The following SFT2D1 variants were observed in gnomAD, a reference collection of about 807,000 sequenced individuals.
SFT2D1 encodes the protein vesicle transport protein SFT2A.
In SFT2D1, 24 loss-of-function variants were observed where a neutral mutation model predicts 28.1. The ratio of observed to expected loss-of-function variants is 0.85; its 90% CI spans 0.62 to 1.20. The LOEUF (loss-of-function observed/expected upper bound fraction) is 1.20, where lower values mean the gene tolerates loss of function less well. Ranked by LOEUF, SFT2D1 falls within the 50% of genes most tolerant of loss-of-function variation. The pLI, the probability that SFT2D1 is intolerant of heterozygous loss-of-function variation, is 0.00. For synonymous variants in SFT2D1, 82 were observed against 73.7 expected (o/e 1.11, Z -0.58); for missense variants, 181 against 190.9 (o/e 0.95, Z 0.31).
chr6:166,324,488 T>C, intron 6 of SFT2D1, 49 bp downstream of exon 6: 1 of 1,568,738 alleles, frequency 6.4e-7, no homozygotes, highest in Non-Finnish European at 8.7e-7. Flanking sequence ...AAAATGCTCG[T>C]CACGTCTCAG....
At chr6:166,335,221 G>A (rs939252049) in intron 1 of SFT2D1, 10 of 604,808 alleles carry the variant, frequency 1.7e-5, no homozygotes, top group African/African-American at 1.3e-4. Flanking sequence ...TGACAACTTC[G>A]GTCATGGAGG....
At chr6:166,321,525 T>C (rs1425886524) in intron 7 of SFT2D1, among the ~76,000 whole-genome samples, 1 of 152,214 alleles carries the variant, frequency 6.6e-6, no homozygotes, top group Non-Finnish European at 1.5e-5. Flanking sequence ...TTCTCACCTG[T>C]AGCTAACTTT....
At chr6:166,325,983 A>G (rs1778437423) in intron 5 of SFT2D1, 149 bp downstream of exon 5, 1 of 753,574 alleles carries the variant, frequency 1.3e-6, no homozygotes, top group Admixed American at 2.6e-5. Flanking sequence ...AACTAGCTGG[A>G]TGGTAACATG....
intron 4 of SFT2D1, among the ~76,000 whole-genome samples, chr6:166,327,788 C>T (rs530757229): frequency 1.3e-5 from 2 of 151,874 alleles, no homozygotes; most frequent in South Asian, 4.2e-4. Context: ...AACTCTATAA[C>T]CACATAGGAT....
chr6:166,324,393 C>A, intron 6 of SFT2D1, 144 bp downstream of exon 6: 1 of 671,572 alleles, frequency 1.5e-6, no homozygotes, highest in Non-Finnish European at 2.5e-6. Context: ...CAGGACTCAT[C>A]GCAGACCTCC....
chr6:166,328,138 AC>A, intron 4 of SFT2D1, 137 bp downstream of exon 4: 1 of 391,714 alleles, frequency 2.6e-6, no homozygotes, highest in Non-Finnish European at 4.3e-6. Context: ...TATACATACA[AC>A]CCTGAAACTT....
intron 4 of SFT2D1, 80 bp from the exon 5 acceptor site, chr6:166,326,247 C>T: frequency 8.5e-7 from 1 of 1,181,052 alleles, no homozygotes; most frequent in Non-Finnish European, 1.2e-6. Context: ...ATTCTGCATT[C>T]ATTTACATAG....
intron 1 of SFT2D1, among the ~76,000 whole-genome samples, chr6:166,333,457 C>A (rs1778588376): frequency 6.6e-6 from 1 of 152,216 alleles, no homozygotes; most frequent in African/African-American, 2.4e-5. Context: ...CTCTCCGACC[C>A]GTTTCTTCTG....
chr6:166,337,425 C>T (rs1195153016), intron 1 of SFT2D1, among the ~76,000 whole-genome samples: 3 of 152,188 alleles, frequency 2.0e-5, no homozygotes, highest in East Asian at 1.9e-4. Flanking sequence ...CTTTGGCACT[C>T]CCTCCTGCTT....
chr6:166,335,094 C>T, intron 1 of SFT2D1: 1 of 576,032 alleles, frequency 1.7e-6, no homozygotes, highest in South Asian at 1.4e-5. Flanking sequence ...ATGGCCAAAA[C>T]TGTGAAGTTA....
In SFT2D1 at chr6:166,326,958, T is replaced by TTA. The variant is rs571860464; in HGVS notation, c.316-793_316-792dup. ...TTGTTAGTAATCTGAAGTTAAATGT[T>TTA]TATATATATGTTGATACATATGCTA... On this transcript the variant is annotated intron_variant, in intron 4 of 7. Coordinates refer to ENST00000361731, the MANE Select transcript of SFT2D1 (RefSeq NM_145169.3). Among the ~76,000 whole-genome samples the TTA allele has an allele frequency of 1.1e-4, 16 of 152,330 alleles. No individual in the cohort carries two copies. In the South Asian group the frequency reaches 3.3e-3, roughly 32 times the overall value.
At chr6:166,321,940 G>GT (rs1413176363) in intron 7 of SFT2D1, among the ~76,000 whole-genome samples, 1 of 152,206 alleles carries the variant, frequency 6.6e-6, no homozygotes, top group Non-Finnish European at 1.5e-5. Context: ...CTGGAGTGCA[G>GT]TGGCACGATC....
At position 166,324,530 on chromosome 6, in the gene SFT2D1, G is replaced by A; in HGVS notation, c.410+7C>T. ...TTAACACTTCACTAGGGTAAGGAAA[G>A]ACTTACCAGGTCATTGACAAGAACT... On this transcript the variant is annotated splice_region_variant and intron_variant, in intron 6 of 7. Transcript: ENST00000361731. 2 of 1,610,050 alleles carry A rather than the reference G, an allele frequency of 1.2e-6. No individual in the cohort carries two copies. The highest frequency in any genetic ancestry group is 1.7e-5 in the Admixed American group (1 of 58,726).
At chr6:166,320,321 G>A in intron 7 of SFT2D1, 65 bp from the exon 8 acceptor site, 17 of 1,360,356 alleles carry the variant, frequency 1.2e-5, no homozygotes, top group Non-Finnish European at 1.6e-5. Context: ...TGCGCAAAAT[G>A]TTCCTGCTAA....
chr6:166,340,855 TC>T (rs1017331691), intron 1 of SFT2D1, among the ~76,000 whole-genome samples: 5 of 152,246 alleles, frequency 3.3e-5, no homozygotes, highest in Admixed American at 2.6e-4. Flanking sequence ...TAATGAACGA[TC>T]ACCTCCTCTG....
intron 7 of SFT2D1, among the ~76,000 whole-genome samples, chr6:166,320,457 A>AT (rs1453398479): frequency 6.6e-6 from 1 of 152,198 alleles, no homozygotes; most frequent in Admixed American, 6.5e-5. Flanking sequence ...TTGACATGGT[A>AT]TTTATCTTAA....
intron 1 of SFT2D1, among the ~76,000 whole-genome samples, chr6:166,333,445 C>T (rs1193872589): frequency 1.3e-5 from 2 of 152,336 alleles, no homozygotes; most frequent in Admixed American, 6.5e-5. Flanking sequence ...TTCCGGCTGC[C>T]GCTCTCCGAC....
intron 5 of SFT2D1, 88 bp downstream of exon 5, chr6:166,326,044 G>C: frequency 8.2e-7 from 1 of 1,219,156 alleles, no homozygotes; most frequent in South Asian, 1.3e-5. Flanking sequence ...AAACAGATGA[G>C]CTATTTTAAG....
rs567324592 is a variant in SFT2D1, at chr6:166,336,910, TCA to T, written c.63+5507_63+5508del. Among the ~76,000 whole-genome samples the T allele has an allele frequency of 3.3e-5, 5 of 152,282 alleles. No homozygotes were observed. In the South Asian group the frequency reaches 1.0e-3, roughly 32 times the overall value. ...AATAGGGCATGAAACCCATTCCTAATCACATCCCAAAGGCACCTCCTCCTCAT... is the reference window on the plus strand; with the variant it reads ...AATAGGGCATGAAACCCATTCCTAATCATCCCAAAGGCACCTCCTCCTCAT... On this transcript the variant is annotated intron_variant, in intron 1 of 7. Transcript: ENST00000361731.
Sources: gnomAD v4.1 joint callset for allele counts (sites outside exome capture counted in the v4.1 genomes callset) on GRCh38, gnomAD v4.1.1 for gene constraint, MANE v1.5 for transcripts, NCBI Gene and HGNC (gene_info 2026-07-23, HGNC 2026-07-21) for gene names.